Variants in UNC5D observed in about 807,000 individuals in gnomAD.
UNC5D encodes the protein netrin receptor UNC5D.
Under a neutral mutation model 105.4 loss-of-function variants are expected in UNC5D, and 39 were observed. The ratio of observed to expected loss-of-function variants is 0.37; its 90% CI spans 0.29 to 0.48. The LOEUF (loss-of-function observed/expected upper bound fraction) is 0.48, where lower values mean the gene tolerates loss of function less well. Ranked by LOEUF, UNC5D falls within the 20% of genes least tolerant of loss-of-function variation. UNC5D has a pLI of 0.98. For synonymous variants in UNC5D, 452 were observed against 450.4 expected (o/e 1.00, Z -0.04); for missense variants, 991 against 1,202.4 (o/e 0.82, Z 2.60).
intron 3 of UNC5D, 65 bp downstream of exon 3, chr8:35,568,306 G>T: frequency 6.4e-7 from 1 of 1,567,840 alleles, no homozygotes; most frequent in Admixed American, 1.8e-5. Flanking sequence ...GAGCTGAAGA[G>T]AGGTTTTACA....
At chr8:35,518,782 A>G (rs1479531722) in intron 1 of UNC5D, among the ~76,000 whole-genome samples, 2 of 152,198 alleles carry the variant, frequency 1.3e-5, no homozygotes, top group Non-Finnish European at 2.9e-5. Context: ...AGACGTGGTC[A>G]AAGGAATTGG....
chr8:35,380,863 C>T (rs923084635), intron 1 of UNC5D, among the ~76,000 whole-genome samples: 1 of 152,150 alleles, frequency 6.6e-6, no homozygotes, highest in Non-Finnish European at 1.5e-5. Flanking sequence ...GGAAATGAAG[C>T]CTTGAAGACA....
chr8:35,699,647 T>TCCTA (rs1827037902), intron 7 of UNC5D, among the ~76,000 whole-genome samples: 3 of 152,310 alleles, frequency 2.0e-5, no homozygotes, highest in African/African-American at 7.2e-5. Context: ...TCTCTGTGCT[T>TCCTA]GTCCTCCATG....
At chr8:35,657,328 C>CTTT (rs1375413101) in intron 4 of UNC5D, among the ~76,000 whole-genome samples, 1 of 151,394 alleles carries the variant, frequency 6.6e-6, no homozygotes, top group African/African-American at 2.4e-5. Context: ...GCCAAAAAAT[C>CTTT]TGAAGGGCTA....
intron 1 of UNC5D, among the ~76,000 whole-genome samples, chr8:35,317,177 T>C (rs980698903): frequency 1.3e-5 from 2 of 152,168 alleles, no homozygotes; most frequent in African/African-American, 4.8e-5. Context: ...CCAGTGAATC[T>C]TCCATCGACA....
chr8:35,565,010 G>C (rs1000589675), intron 2 of UNC5D, among the ~76,000 whole-genome samples: 1 of 152,036 alleles, frequency 6.6e-6, no homozygotes. Flanking sequence ...CCCTTAGCTT[G>C]ATTCCCTATC....
intron 3 of UNC5D, among the ~76,000 whole-genome samples, chr8:35,586,768 A>G: frequency 6.6e-6 from 1 of 152,160 alleles, no homozygotes; most frequent in East Asian, 1.9e-4. Flanking sequence ...TAAAAAAATG[A>G]CTATGATTTT....
In UNC5D at chr8:35,790,835, G is replaced by T. The variant is rs1586653333; in HGVS notation, c.*272G>T. On this transcript the variant is annotated 3_prime_UTR_variant, in exon 17 of 17. Coordinates refer to ENST00000404895, the MANE Select transcript of UNC5D (RefSeq NM_080872.4). ...GATTTGGAGTGGCAAGGATAAAAGT[G>T]AGGGCAGAAGTAGCTGTGGGAAAAG... 2.1e-6 allele frequency: 1 copy of T among 481,980 alleles called. No homozygotes were observed. The allele number at this position is 481,980 out of a possible 1,614,324, so 29.9% of individuals were successfully genotyped here. A position where few individuals can be genotyped will look rare whatever the true frequency, so the allele number is the denominator to read the frequency against.
At chr8:35,595,496 A>G in intron 3 of UNC5D, 58 bp from the exon 4 acceptor site, 1 of 1,542,332 alleles carries the variant, frequency 6.5e-7, no homozygotes, top group Admixed American at 1.7e-5. Flanking sequence ...TACTTGGACC[A>G]AATTTGAATA....
intron 1 of UNC5D, among the ~76,000 whole-genome samples, chr8:35,267,867 G>GA: frequency 6.6e-6 from 1 of 152,134 alleles, no homozygotes; most frequent in South Asian, 2.1e-4. Context: ...CAGGTTTGCT[G>GA]ACCTTTTCTG....
At chr8:35,599,440 A>G (rs1586216073) in intron 4 of UNC5D, among the ~76,000 whole-genome samples, 1 of 152,222 alleles carries the variant, frequency 6.6e-6, no homozygotes, top group African/African-American at 2.4e-5. Flanking sequence ...GCCATTCGAC[A>G]GTACACACAT....
intron 1 of UNC5D, among the ~76,000 whole-genome samples, chr8:35,421,761 A>C (rs1398792855): frequency 1.3e-5 from 2 of 152,132 alleles, no homozygotes; most frequent in Admixed American, 6.6e-5. Context: ...GGAATAGTAA[A>C]CCCAAATAAT....
chr8:35,701,624 A>G (rs897013054), intron 7 of UNC5D, among the ~76,000 whole-genome samples: 2 of 152,200 alleles, frequency 1.3e-5, no homozygotes, highest in African/African-American at 4.8e-5. Context: ...TTTCTCCATC[A>G]TATAGATATA....
At chr8:35,544,242 T>C (rs747747587) in intron 1 of UNC5D, 1 of 846,970 alleles carries the variant, frequency 1.2e-6, no homozygotes, top group Non-Finnish European at 1.7e-6. Flanking sequence ...CCACATTCCT[T>C]AGCCTACCAA....
At chr8:35,453,338 G>A (rs547289038) in intron 1 of UNC5D, among the ~76,000 whole-genome samples, 1 of 152,244 alleles carries the variant, frequency 6.6e-6, no homozygotes, top group Non-Finnish European at 1.5e-5. Flanking sequence ...AAGCAAAGGT[G>A]TTGTACTGTG....
chr8:35,358,577 CA>C (rs1482927535), intron 1 of UNC5D, among the ~76,000 whole-genome samples: 2 of 152,222 alleles, frequency 1.3e-5, no homozygotes, highest in East Asian at 3.9e-4. Context: ...ATAGGTACAG[CA>C]AACCACCATG....
At chr8:35,253,977 C>G (rs1463191316) in intron 1 of UNC5D, among the ~76,000 whole-genome samples, 2 of 152,282 alleles carry the variant, frequency 1.3e-5, no homozygotes, top group East Asian at 3.9e-4. Context: ...TTATTTCCTA[C>G]TGTTCCCTTC....
chr8:35,263,760 T>C (rs2128824805), intron 1 of UNC5D, among the ~76,000 whole-genome samples: 1 of 152,362 alleles, frequency 6.6e-6, no homozygotes, highest in Non-Finnish European at 1.5e-5. Flanking sequence ...ATTAGGTGGC[T>C]GATTTTTGCA....
At chr8:35,306,149 G>A (rs949476782) in intron 1 of UNC5D, among the ~76,000 whole-genome samples, 3 of 151,710 alleles carry the variant, frequency 2.0e-5, no homozygotes, top group Admixed American at 6.6e-5. Context: ...AAACTATACA[G>A]AAGACTGAAT....
Sources: allele counts gnomAD v4.1 joint callset (sites outside exome capture counted in the v4.1 genomes callset), GRCh38; gene constraint gnomAD v4.1.1; transcripts MANE v1.5; gene names NCBI Gene and HGNC (gene_info 2026-07-23, HGNC 2026-07-21).